The following TRPM6 variants were observed in gnomAD, a reference collection of about 807,000 sequenced individuals.
TRPM6 encodes transient receptor potential cation channel subfamily M member 6.
A neutral mutation model predicts 247.6 loss-of-function variants in TRPM6; 111 were observed. The observed-to-expected ratio is 0.45, with a 90% CI of 0.38 to 0.52. The LOEUF (loss-of-function observed/expected upper bound fraction) is 0.52. Among genes scored for constraint, TRPM6 ranks in the 20% least tolerant of loss-of-function variants. The pLI is 0.00. For missense variants in TRPM6, 2,126 were observed against 2,421.5 expected (o/e 0.88, Z 2.56); for synonymous variants, 892 against 853.8 (o/e 1.04, Z -0.78).
chr9:74,801,441 C>A, intron 16 of TRPM6, among the ~76,000 whole-genome samples: 1 of 151,878 alleles, frequency 6.6e-6, no homozygotes, highest in East Asian at 1.9e-4. Flanking sequence ...TTAGTAACTT[C>A]AAAACCAAAA....
chr9:74,725,243 A>G (rs1825276774), intron 38 of TRPM6, among the ~76,000 whole-genome samples: 1 of 152,152 alleles, frequency 6.6e-6, no homozygotes, highest in Non-Finnish European at 1.5e-5. Flanking sequence ...AAAAGAAAAA[A>G]GTTAAAAGAA....
intron 12 of TRPM6, among the ~76,000 whole-genome samples, chr9:74,811,222 A>G (rs1828717701): frequency 1.3e-5 from 2 of 152,222 alleles, no homozygotes; most frequent in African/African-American, 4.8e-5. Context: ...ACTATATTCA[A>G]TTAGGGATTC....
rs562891622 is a variant in TRPM6 at position 74,830,722 on chromosome 9, G to T, written c.670-2773C>A. ...CCCCCAAGTAGCTGAGACTATAGGC[G>T]TGCACCACCATGCCCAGCTAATTTT... On this transcript the variant is annotated intron_variant, in intron 6 of 38. Coordinates refer to ENST00000360774, the MANE Select transcript of TRPM6 (RefSeq NM_017662.5). Among the ~76,000 whole-genome samples, 116 of 146,674 alleles carry T rather than the reference G, an allele frequency of 7.9e-4. 1 individual carries two copies. The highest frequency in any genetic ancestry group is 1.5e-3 in the Non-Finnish European group (102 of 67,290).
chr9:74,754,389 T>A (rs919797229), intron 28 of TRPM6, among the ~76,000 whole-genome samples: 2 of 152,170 alleles, frequency 1.3e-5, no homozygotes, highest in African/African-American at 4.8e-5. Context: ...GGCTGGATAA[T>A]TGTCATGAGG....
chr9:74,727,922 G>C (rs1161461863), intron 38 of TRPM6, among the ~76,000 whole-genome samples: 1 of 152,182 alleles, frequency 6.6e-6, no homozygotes, highest in Non-Finnish European at 1.5e-5. Context: ...ACCCAAATGT[G>C]GGGGGTGGGG....
intron 25 of TRPM6, among the ~76,000 whole-genome samples, chr9:74,765,537 G>A (rs1826799770): frequency 6.6e-6 from 1 of 152,084 alleles, no homozygotes; most frequent in Non-Finnish European, 1.5e-5. Flanking sequence ...TCTCAATAAT[G>A]AAAATCTTCA....
chr9:74,784,220 G>A (rs1018183578), intron 21 of TRPM6, among the ~76,000 whole-genome samples: 26 of 148,822 alleles, frequency 1.7e-4, no homozygotes, highest in Admixed American at 5.4e-4. Flanking sequence ...CAGAGATTGC[G>A]CCACTGCACT....
chr9:74,814,330 A>T (rs1437196556), intron 11 of TRPM6, among the ~76,000 whole-genome samples: 1 of 152,148 alleles, frequency 6.6e-6, no homozygotes, highest in Non-Finnish European at 1.5e-5. Context: ...TAAGGGGGAT[A>T]ATTAATAGGT....
At chr9:74,867,474 T>C (rs146361796) in intron 1 of TRPM6, among the ~76,000 whole-genome samples, 1 of 152,206 alleles carries the variant, frequency 6.6e-6, no homozygotes, top group Non-Finnish European at 1.5e-5. Context: ...TTAGTCTGCA[T>C]ACCTCATCTT....
chr9:74,844,572 G>A (rs752960502), intron 3 of TRPM6, among the ~76,000 whole-genome samples: 1 of 152,202 alleles, frequency 6.6e-6, no homozygotes, highest in Non-Finnish European at 1.5e-5. Flanking sequence ...TCATAGAATT[G>A]AAAAGAGTTA....
chr9:74,797,485 G>A (rs1051699921), intron 17 of TRPM6, among the ~76,000 whole-genome samples: 1 of 152,034 alleles, frequency 6.6e-6, no homozygotes, highest in Non-Finnish European at 1.5e-5. Context: ...CAATGTAAAT[G>A]CTATATAAAT....
rs1825814068 is a variant in TRPM6 at position 74,740,065 on chromosome 9, AATAGTAT to A, written c.5201-63_5201-57del. 6 of 1,568,730 alleles carry A rather than the reference AATAGTAT, an allele frequency of 3.8e-6. No individual in the cohort carries two copies. The East Asian group carries it at 1.4e-4, about 36-fold the overall frequency. On this transcript the variant is annotated intron_variant, in intron 33 of 38. Coordinates refer to ENST00000360774, the MANE Select transcript of TRPM6 (RefSeq NM_017662.5). ...ATAAGATTGCCATGTCTGTGACATG[AATAGTAT>A]CCTAAATATCAATGCAGAATCAGTT...
rs143298925 is a variant in TRPM6, at chr9:74,824,441, C to G, written c.842-2604G>C. On this transcript the variant is annotated intron_variant, in intron 7 of 38. Transcript: ENST00000360774. Reference sequence around the variant, plus strand: ...TGCTGGGACTACAGGGGTGAGCCACCACACCTGGCCCACTTCTCTTGAAAT... The same window carrying G: ...TGCTGGGACTACAGGGGTGAGCCACGACACCTGGCCCACTTCTCTTGAAAT... Among the ~76,000 whole-genome samples the G allele has an allele frequency of 4.2e-4, 59 of 141,706 alleles. No homozygotes were observed. In the Middle Eastern group the frequency reaches 0.012, roughly 30 times the overall value. 93.0% of individuals were successfully genotyped at this position (141,706 alleles called of 152,430 possible). A position where few individuals can be genotyped will look rare whatever the true frequency, so the allele number is the denominator to read the frequency against.
At position 74,863,990 on chromosome 9, in the gene TRPM6, TA is replaced by T. The variant is rs201154751; in HGVS notation, c.34-5243del. ...TTCTTTCTACAACTTTTTTGCACCT[TA>T]AAAAAAATCTATCATCTAACAACTA... On this transcript the variant is annotated intron_variant, in intron 1 of 38. Coordinates refer to ENST00000360774, the MANE Select transcript of TRPM6 (RefSeq NM_017662.5). Among the ~76,000 whole-genome samples, 832 of 151,956 alleles carry T rather than the reference TA, an allele frequency of 5.5e-3. 6 individuals carry two copies. The highest frequency in any genetic ancestry group is 0.019 in the African/African-American group (792 of 41,456).
chr9:74,787,283 C>T (rs1469462011), intron 20 of TRPM6, among the ~76,000 whole-genome samples: 2 of 148,584 alleles, frequency 1.3e-5, no homozygotes, highest in African/African-American at 2.5e-5. Flanking sequence ...TGCAGTGAGC[C>T]GAGATCTCAC....
chr9:74,812,887 C>G (rs1828786998), intron 11 of TRPM6, among the ~76,000 whole-genome samples: 1 of 151,802 alleles, frequency 6.6e-6, no homozygotes, highest in Non-Finnish European at 1.5e-5. Flanking sequence ...AAGACCCTGT[C>G]TTGAATGAAT....
chr9:74,782,589 T>C, intron 22 of TRPM6, 90 bp downstream of exon 22: 2 of 1,532,830 alleles, frequency 1.3e-6, no homozygotes, highest in Non-Finnish European at 1.8e-6. Flanking sequence ...CAAACATTTT[T>C]AAGATTTAGA....
chr9:74,812,090 T>A (rs1828749831), intron 12 of TRPM6, among the ~76,000 whole-genome samples: 1 of 152,228 alleles, frequency 6.6e-6, no homozygotes, highest in African/African-American at 2.4e-5. Context: ...AGTTTTAACA[T>A]GTATGCATTT....
chr9:74,838,562 A>G (rs931894153), intron 5 of TRPM6, among the ~76,000 whole-genome samples: 1 of 152,236 alleles, frequency 6.6e-6, no homozygotes, highest in Non-Finnish European at 1.5e-5. Context: ...CTAGTACACA[A>G]CCAGAAGGAG....
Sources: gnomAD v4.1 joint callset for allele counts (sites outside exome capture counted in the v4.1 genomes callset) on GRCh38, gnomAD v4.1.1 for gene constraint, MANE v1.5 for transcripts, NCBI Gene and HGNC (gene_info 2026-07-23, HGNC 2026-07-21) for gene names.